Variants in GPR158 observed in about 807,000 individuals in gnomAD.
GPR158 encodes G protein-coupled receptor 158, also known as metabotropic glycine receptor.
A neutral mutation model predicts 78.2 loss-of-function variants in GPR158; 30 were observed. The observed-to-expected ratio is 0.38, with a 90% CI of 0.29 to 0.52. The LOEUF (loss-of-function observed/expected upper bound fraction) is 0.52. Among genes scored for constraint, GPR158 ranks in the 20% least tolerant of loss-of-function variants. GPR158 has a pLI of 0.83. For synonymous variants in GPR158, 581 were observed against 591.1 expected (o/e 0.98, Z 0.25); for missense variants, 1,463 against 1,523.5 (o/e 0.96, Z 0.66).
At chr10:25,576,857 G>A (rs1224654247) in intron 7 of GPR158, among the ~76,000 whole-genome samples, 1 of 151,648 alleles carries the variant, frequency 6.6e-6, no homozygotes, top group Non-Finnish European at 1.5e-5. Context: ...CCAAGAAGAG[G>A]AAGTTAAATT....
chr10:25,221,075 A>G lies in GPR158; in HGVS notation c.926A>G (p.Asn309Ser), dbSNP rs754929302. 2.8e-5 allele frequency: 44 copies of G among 1,588,368 alleles called. No individual in the cohort carries two copies. The highest frequency in any genetic ancestry group is 2.9e-5 in the Non-Finnish European group (34 of 1,159,080). ...EFRGVMKVDINLQKVDIDQCS... is the reference protein window; with the variant it reads ...EFRGVMKVDISLQKVDIDQCS... Reference sequence around the variant, plus strand: ...AGGGGTGTCATGAAAGTTGACATAAATCTTCAGAAAGTGGACATTGACCAA... The same window carrying G: ...AGGGGTGTCATGAAAGTTGACATAAGTCTTCAGAAAGTGGACATTGACCAA... Residue 309 changes from asparagine (N) to serine (S), a missense_variant, in exon 2 of 11, where the codon AAT becomes AGT. Physicochemically the swap from Asn to Ser is conservative, Grantham distance 46. Transcript: ENST00000376351.
intron 7 of GPR158, among the ~76,000 whole-genome samples, chr10:25,587,647 T>A (rs184039981): frequency 6.6e-6 from 1 of 152,200 alleles, no homozygotes; most frequent in South Asian, 2.1e-4. Flanking sequence ...GAAACATTCA[T>A]AGCATGGCCA....
intron 4 of GPR158, among the ~76,000 whole-genome samples, chr10:25,451,419 A>G (rs1193372523): frequency 6.6e-6 from 1 of 152,226 alleles, no homozygotes; most frequent in Admixed American, 6.5e-5. Context: ...TGTGAGGAAG[A>G]CAAGTTTTTC....
chr10:25,544,766 T>G (rs940425751), intron 5 of GPR158, among the ~76,000 whole-genome samples: 3 of 152,190 alleles, frequency 2.0e-5, no homozygotes, highest in African/African-American at 7.2e-5. Context: ...CGTGCAGGTT[T>G]GTTACATAGG....
intron 1 of GPR158, among the ~76,000 whole-genome samples, chr10:25,192,465 A>C (rs1040294050): frequency 2.0e-5 from 3 of 152,110 alleles, no homozygotes; most frequent in African/African-American, 7.2e-5. Flanking sequence ...GTCTAGGAGG[A>C]GGGGTTTTGG....
intron 2 of GPR158, among the ~76,000 whole-genome samples, chr10:25,309,872 C>T (rs1193592684): frequency 2.6e-5 from 4 of 152,174 alleles, no homozygotes; most frequent in African/African-American, 7.2e-5. Context: ...CCATGTGGAA[C>T]TGTGAGTCTA....
chr10:25,498,843 G>T (rs1052309119), intron 5 of GPR158, among the ~76,000 whole-genome samples: 1 of 152,170 alleles, frequency 6.6e-6, no homozygotes, highest in East Asian at 1.9e-4. Context: ...GTAGGTGCTG[G>T]ATGGCACAGC....
chr10:25,414,138 G>T (rs910234354), intron 4 of GPR158, among the ~76,000 whole-genome samples: 47 of 152,256 alleles, frequency 3.1e-4, no homozygotes, highest in African/African-American at 9.6e-4. Flanking sequence ...GATAATTAAT[G>T]ATTGCTCTGC....
At chr10:25,331,331 T>A (rs908367311) in intron 2 of GPR158, among the ~76,000 whole-genome samples, 12 of 152,222 alleles carry the variant, frequency 7.9e-5, no homozygotes, top group Non-Finnish European at 1.5e-5. Flanking sequence ...GGGAAAGGGA[T>A]GACAATTCTT....
intron 4 of GPR158, among the ~76,000 whole-genome samples, chr10:25,429,566 T>C (rs1006574800): frequency 6.6e-6 from 1 of 152,226 alleles, no homozygotes; most frequent in South Asian, 2.1e-4. Flanking sequence ...CGTTCTCTGG[T>C]CACTGGGCTT....
At chr10:25,412,029 C>A (rs116562183) in intron 3 of GPR158, among the ~76,000 whole-genome samples, 2 of 147,300 alleles carry the variant, frequency 1.4e-5, no homozygotes, top group African/African-American at 4.9e-5. Context: ...GCTAATTTTC[C>A]TCAACCACTT....
At chr10:25,404,652 A>G (rs1259684979) in intron 3 of GPR158, among the ~76,000 whole-genome samples, 1 of 152,058 alleles carries the variant, frequency 6.6e-6, no homozygotes, top group East Asian at 1.9e-4. Flanking sequence ...ATGGCCCAGT[A>G]TTTTGAGTCT....
intron 4 of GPR158, among the ~76,000 whole-genome samples, chr10:25,454,223 T>A (rs1005721429): frequency 1.9e-4 from 6 of 32,202 alleles, no homozygotes; most frequent in African/African-American, 3.0e-4. Flanking sequence ...AGATAGTTTG[T>A]TGTTGATGTA....
At chr10:25,546,592 C>T (rs1183600124) in intron 5 of GPR158, among the ~76,000 whole-genome samples, 4 of 152,162 alleles carry the variant, frequency 2.6e-5, no homozygotes, top group African/African-American at 4.8e-5. Context: ...TCCTTCTTTG[C>T]CTTTGCCCTA....
intron 4 of GPR158, among the ~76,000 whole-genome samples, chr10:25,424,477 G>T (rs1188626987): frequency 1.2e-4 from 18 of 151,484 alleles, no homozygotes; most frequent in Non-Finnish European, 1.8e-4. Context: ...GTCCTGAATG[G>T]TATTGCCTAG....
At chr10:25,390,063 G>T (rs1834272843) in intron 2 of GPR158, among the ~76,000 whole-genome samples, 1 of 152,182 alleles carries the variant, frequency 6.6e-6, no homozygotes, top group East Asian at 1.9e-4. Context: ...CACCATGTAA[G>T]ACATGCTTTG....
intron 2 of GPR158, among the ~76,000 whole-genome samples, chr10:25,348,973 A>G (rs1206839396): frequency 6.6e-6 from 1 of 152,000 alleles, no homozygotes; most frequent in East Asian, 1.9e-4. Context: ...ACCAATTCTG[A>G]TGGTCTGTGA....
At chr10:25,201,670 G>T (rs983463207) in intron 1 of GPR158, among the ~76,000 whole-genome samples, 5 of 152,070 alleles carry the variant, frequency 3.3e-5, no homozygotes, top group Non-Finnish European at 7.4e-5. Context: ...TGCCTAGTTT[G>T]TTGAGGGTTT....
At chr10:25,404,902 TG>T (rs1005047617) in intron 3 of GPR158, among the ~76,000 whole-genome samples, 1 of 151,996 alleles carries the variant, frequency 6.6e-6, no homozygotes, top group African/African-American at 2.4e-5. Context: ...CTCCAGACCA[TG>T]ATGGCACAAA....
Sources: allele counts gnomAD v4.1 joint callset (sites outside exome capture counted in the v4.1 genomes callset), GRCh38; gene constraint gnomAD v4.1.1; transcripts MANE v1.5; gene names NCBI Gene and HGNC (gene_info 2026-07-23, HGNC 2026-07-21).